ADNP2: variants seen among roughly 807,000 people sequenced by gnomAD.
The protein encoded by ADNP2 is activity-dependent neuroprotector homeobox protein 2.
Under a neutral mutation model 16.4 loss-of-function variants are expected in ADNP2, and 8 were observed. That is an observed-to-expected ratio of 0.49 (90% confidence interval 0.29 to 0.88). The LOEUF is 0.88. Among genes scored for constraint, ADNP2 ranks in the 40% least tolerant of loss-of-function variants. The pLI is 0.09. For synonymous variants in ADNP2, 637 were observed against 545.8 expected, an observed-to-expected ratio of 1.17 and a Z score of -2.33; for missense variants, 1,397 against 1,395.1, an observed-to-expected ratio of 1.00 and a Z score of -0.02.
At chr18:80,111,566 A>AT (rs34338300) in intron 1 of ADNP2, among the ~76,000 whole-genome samples, 106 of 127,084 alleles carry the variant, frequency 8.3e-4, no homozygotes, top group African/African-American at 1.8e-3. Flanking sequence ...CCTGAATGAC[A>AT]TTTTTTTTTT....
intron 2 of ADNP2, among the ~76,000 whole-genome samples, chr18:80,130,703 C>G (rs574448688): frequency 1.5e-4 from 23 of 152,192 alleles, no homozygotes; most frequent in Admixed American, 1.4e-3. Flanking sequence ...TCTCTCTCTC[C>G]TGTTCCCTCC....
intron 2 of ADNP2, among the ~76,000 whole-genome samples, chr18:80,119,005 G>T (rs189211213): frequency 1.3e-3 from 201 of 152,204 alleles, no homozygotes; most frequent in African/African-American, 3.5e-3. Flanking sequence ...ACAGAAACAA[G>T]ACAGTAAGAC....
rs1277165750 is a variant in ADNP2, at chr18:80,138,228, A to G, written c.2815A>G (p.Arg939Gly). 8 of 1,614,044 alleles carry G rather than the reference A, an allele frequency of 5.0e-6. No homozygotes were observed. ...AAIAVHLVRCRSAPKDSSSDL... is the reference protein window; with the variant it reads ...AAIAVHLVRCGSAPKDSSSDL... ...CATCGCCGTCCATTTGGTGCGCTGC[A>G]GAAGTGCTCCCAAGGACAGCAGCTC... Residue 939 changes from arginine to glycine, a missense_variant, in exon 4 of 4, where the codon AGA becomes GGA. By Grantham distance (125) the Arg-to-Gly change is moderately radical. This residue lies in a region of ADNP2 where 611 missense variants were observed against 648.7 expected (regional missense o/e 0.94). Coordinates refer to ENST00000262198, the MANE Select transcript of ADNP2 (RefSeq NM_014913.4).
rs560454696 is a variant in ADNP2 at position 80,136,377 on chromosome 18, T to G, written c.964T>G (p.Ser322Ala). Residue 322 changes from serine to alanine, a missense_variant, in exon 4 of 4, where the codon TCC becomes GCC. By Grantham distance (99) the Ser-to-Ala change is moderately conservative (BLOSUM62 1). Transcript: ENST00000262198. ...GGGTGCCCCTGGAAGCCTCACTCAT[T>G]CCCCCCCTGCTGCTGGCCAATCCCA... ...AQGAPGSLTH[S>A]PPAAGQSHMT... The G allele has an allele frequency of 6.2e-7, 1 of 1,613,256 alleles. No homozygotes were observed. The highest frequency in any genetic ancestry group is 1.1e-5 in the South Asian group (1 of 91,058).
intron 1 of ADNP2, among the ~76,000 whole-genome samples, chr18:80,113,176 T>TTAAAGAAAATTTTTAAACTTAAAATTTTA (rs545173576): frequency 6.6e-6 from 1 of 152,232 alleles, no homozygotes; most frequent in Non-Finnish European, 1.5e-5. Flanking sequence ...GTGCATTTTA[T>TTAAAGAAAATTTTTAAACTTAAAATTTTA]TAAAGAAAAT....
intron 1 of ADNP2, among the ~76,000 whole-genome samples, chr18:80,116,389 G>A (rs114714337): frequency 1.1e-3 from 166 of 152,286 alleles, no homozygotes; most frequent in African/African-American, 3.9e-3. Context: ...TTTCTCTTGA[G>A]TGGAATTGCT....
chr18:80,113,832 C>T (rs1265636788), intron 1 of ADNP2, among the ~76,000 whole-genome samples: 3 of 151,910 alleles, frequency 2.0e-5, no homozygotes, highest in Non-Finnish European at 4.4e-5. Flanking sequence ...CTAAGCCTGT[C>T]CTTGGGTGGT....
In ADNP2 at chr18:80,123,769, G is replaced by A. The variant is rs1298040682; in HGVS notation, c.108+6119G>A. ...TTTGGAGACAGAGTCTCGCTCTGTC[G>A]CCCAGGCTGGAGTGCAGTGGCATGA... On this transcript the variant is annotated intron_variant, in intron 2 of 3. Transcript: ENST00000262198. Among the ~76,000 whole-genome samples, 3 of 150,362 alleles carry A rather than the reference G, an allele frequency of 2.0e-5. No homozygotes were observed. In the East Asian group the frequency reaches 5.9e-4, roughly 30 times the overall value.
rs146218649 is a variant in ADNP2, at chr18:80,139,071, G to C, written c.*262G>C. ...CTCTGTCATGTAAATGAAATCTTTT[G>C]ATATTTCATGCACGCCTTGTTTTCC... On this transcript the variant is annotated 3_prime_UTR_variant, in exon 4 of 4. Transcript: ENST00000262198. The C allele has an allele frequency of 4.5e-4, 148 of 332,022 alleles. No homozygotes were observed. The highest frequency in any genetic ancestry group is 2.8e-3 in the African/African-American group (133 of 47,414). 20.6% of individuals were successfully genotyped at this position (332,022 alleles called of 1,614,324 possible). A position where few individuals can be genotyped will look rare whatever the true frequency, so the allele number is the denominator to read the frequency against.
At chr18:80,134,408 T>TGC (rs2052518423) in intron 3 of ADNP2, among the ~76,000 whole-genome samples, 1 of 143,750 alleles carries the variant, frequency 7.0e-6, no homozygotes, top group Non-Finnish European at 1.6e-5. Context: ...TGTGTGTGTG[T>TGC]GTGTGTGTGT....
At position 80,135,932 on chromosome 18, in the gene ADNP2, T is replaced by C. The variant is rs1214709368; in HGVS notation, c.519T>C (p.His173=). Residue 173 remains histidine, a synonymous_variant, in exon 4 of 4, where the codon CAT becomes CAC. Transcript: ENST00000262198. The part of the protein sequence containing the change: ...SNTLYYSMKK[H]VLVAHFHYLI... ...CTTTGTACTACAGCATGAAGAAGCATGTGCTGGTAGCCCATTTTCACTACT... is the reference window on the plus strand; with the variant it reads ...CTTTGTACTACAGCATGAAGAAGCACGTGCTGGTAGCCCATTTTCACTACT... The C allele has an allele frequency of 1.9e-6, 3 of 1,614,120 alleles. No homozygotes were observed. The African/African-American group carries it at 4.0e-5, about 22-fold the overall frequency.
chr18:80,131,790 A>G (rs1251053552), intron 2 of ADNP2, among the ~76,000 whole-genome samples: 1 of 143,948 alleles, frequency 6.9e-6, no homozygotes, highest in Non-Finnish European at 1.5e-5. Context: ...ACAGATGGGA[A>G]TTGAACAGTG....
intron 3 of ADNP2, among the ~76,000 whole-genome samples, chr18:80,134,801 A>G (rs2052521465): frequency 6.6e-6 from 1 of 152,044 alleles, no homozygotes. Context: ...GGTCATCCAT[A>G]GTGTGAGTTT....
chr18:80,117,287 T>C (rs1248992761), intron 1 of ADNP2, among the ~76,000 whole-genome samples: 1 of 152,330 alleles, frequency 6.6e-6, no homozygotes, highest in East Asian at 1.9e-4. Flanking sequence ...TTACGTTTTC[T>C]TATAAGAGTT....
intron 1 of ADNP2, among the ~76,000 whole-genome samples, chr18:80,116,934 T>C (rs1430972607): frequency 6.6e-6 from 1 of 152,246 alleles, no homozygotes; most frequent in Non-Finnish European, 1.5e-5. Context: ...CGTGAGCCAC[T>C]GTTCCCTGCC....
At position 80,135,867 on chromosome 18, in the gene ADNP2, G is replaced by A; in HGVS notation, c.454G>A (p.Val152Met). The A allele has an allele frequency of 6.2e-7, 1 of 1,614,230 alleles. No homozygotes were observed. Among genetic ancestry groups the A allele is most frequent in the Non-Finnish European group, 8.5e-7 (1 of 1,180,044 alleles). Residue 152 changes from valine to methionine, a missense_variant, in exon 4 of 4, where the codon GTG becomes ATG. Physicochemically the swap from Val to Met is conservative, Grantham distance 21. Around this residue, in one of 3 missense-constraint regions of ADNP2, gnomAD observed 777 missense variants for 719.4 expected, o/e 1.08. Transcript: ENST00000262198. ...LGETKSSRSDVISFTCLKCNF... is the reference protein window; with the variant it reads ...LGETKSSRSDMISFTCLKCNF... ...TGAAACTAAATCATCTAGGAGCGAT[G>A]TGATAAGTTTCACATGTCTAAAATG...
intron 1 of ADNP2, among the ~76,000 whole-genome samples, chr18:80,114,338 T>C (rs2052376025): frequency 6.6e-6 from 1 of 152,244 alleles, no homozygotes; most frequent in South Asian, 2.1e-4. Flanking sequence ...ATTTGACATT[T>C]TAAATGGCAT....
At position 80,135,857 on chromosome 18, in the gene ADNP2, T is replaced by G. The variant is rs200326188; in HGVS notation, c.444T>G (p.Ser148=). 1.2e-6 allele frequency: 2 copies of G among 1,614,220 alleles called. No individual in the cohort carries two copies. Among genetic ancestry groups the G allele is most frequent in the East Asian group, 2.2e-5 (1 of 44,882 alleles). Residue 148 remains serine (S), a synonymous_variant, in exon 4 of 4, where the codon TCT becomes TCG. Coordinates refer to ENST00000262198, the MANE Select transcript of ADNP2 (RefSeq NM_014913.4). ...TVNILGETKS[S]RSDVISFTCL... Reference sequence around the variant, plus strand: ...ATATTTTAGGTGAAACTAAATCATCTAGGAGCGATGTGATAAGTTTCACAT... The same window carrying G: ...ATATTTTAGGTGAAACTAAATCATCGAGGAGCGATGTGATAAGTTTCACAT...
In ADNP2 at chr18:80,136,831, C is replaced by A. The variant is rs1389865795; in HGVS notation, c.1418C>A (p.Ser473Tyr). 1 of 1,614,162 alleles carries A rather than the reference C, an allele frequency of 6.2e-7. No homozygotes were observed. Among genetic ancestry groups the A allele is most frequent in the Non-Finnish European group, 8.5e-7 (1 of 1,180,028 alleles). ...GTTATCCCTGGGCAAACAGCAACTT[C>A]TGGGGTTCTTCCTACTGGCCAGATG... ...AGVIPGQTAT[S>Y]GVLPTGQMVQ... Residue 473 changes from serine (S) to tyrosine (Y), a missense_variant, in exon 4 of 4, where the codon TCT (serine) becomes TAT (tyrosine). Around this residue, in one of 3 missense-constraint regions of ADNP2, gnomAD observed 777 missense variants for 719.4 expected, o/e 1.08. Coordinates refer to ENST00000262198, the MANE Select transcript of ADNP2 (RefSeq NM_014913.4).
Sources: gnomAD v4.1 joint callset for allele counts (sites outside exome capture counted in the v4.1 genomes callset) on GRCh38, gnomAD v4.1.1 for gene constraint, gnomAD v4.1.1 regional missense constraint, MANE v1.5 for transcripts, NCBI Gene and HGNC (gene_info 2026-07-23, HGNC 2026-07-21) for gene names.